Variants in NCOA3 observed in about 807,000 individuals in gnomAD.
The protein encoded by NCOA3 is nuclear receptor coactivator 3.
NCOA3 carries 51 observed loss-of-function variants against 158.8 expected under a neutral mutation model. That is an observed-to-expected ratio of 0.32 (90% CI 0.26 to 0.41). The LOEUF (loss-of-function observed/expected upper bound fraction) is 0.41, where lower values mean the gene tolerates loss of function less well. NCOA3 is among the 10% of genes least tolerant of loss of function. The pLI, the probability that NCOA3 is intolerant of heterozygous loss-of-function variation, is 1.00. For synonymous variants in NCOA3, 537 were observed against 592.4 expected (o/e 0.91, Z 1.36); for missense variants, 1,510 against 1,746.6 (o/e 0.86, Z 2.41).
chr20:47,612,326 G>A (rs929807350), intron 2 of NCOA3, among the ~76,000 whole-genome samples: 1 of 152,114 alleles, frequency 6.6e-6, no homozygotes, highest in African/African-American at 2.4e-5. Flanking sequence ...GAGCTTACAA[G>A]GTAGGAAGCA....
chr20:47,564,505 A>G (rs1360756488), intron 1 of NCOA3, among the ~76,000 whole-genome samples: 3 of 151,520 alleles, frequency 2.0e-5, no homozygotes, highest in Non-Finnish European at 4.4e-5. Flanking sequence ...ATCAAGTTGG[A>G]GTTTATATTC....
At chr20:47,525,919 G>T (rs1484320074) in intron 1 of NCOA3, among the ~76,000 whole-genome samples, 9 of 143,362 alleles carry the variant, frequency 6.3e-5, no homozygotes, top group Admixed American at 1.4e-4. Context: ...CCCGGATGGG[G>T]CGGCTGGCCG....
chr20:47,606,863 A>G (rs1409979388), intron 2 of NCOA3, among the ~76,000 whole-genome samples: 1 of 152,240 alleles, frequency 6.6e-6, no homozygotes, highest in African/African-American at 2.4e-5. Flanking sequence ...CAGTGATAAA[A>G]TTTGAGCTTC....
intron 1 of NCOA3, among the ~76,000 whole-genome samples, chr20:47,571,003 T>TGTGTG (rs2085286276): frequency 7.0e-6 from 1 of 143,138 alleles, no homozygotes; most frequent in African/African-American, 2.7e-5. Context: ...TGTGTGTGTG[T>TGTGTG]ATATACATTT....
chr20:47,648,581 T>C (rs894427145), intron 18 of NCOA3, among the ~76,000 whole-genome samples: 5 of 152,140 alleles, frequency 3.3e-5, no homozygotes, highest in African/African-American at 1.2e-4. Flanking sequence ...CAGGTGATCA[T>C]TCCACCTCAG....
chr20:47,653,547 A>AT lies in NCOA3; in HGVS notation c.*134dup, dbSNP rs1468481628. On this transcript the variant is annotated 3_prime_UTR_variant, in exon 23 of 23. Transcript: ENST00000371998. ...ACCAGCTTTGAGCTCCATCAAGGGT[A>AT]TTTTAAGTGATGTCATTTGAGCAGG... The AT allele has an allele frequency of 3.7e-6, 4 of 1,071,486 alleles. No individual in the cohort carries two copies. In the African/African-American group the frequency reaches 6.4e-5, roughly 17 times the overall value. The allele number at this position is 1,071,486 out of a possible 1,614,324, so 66.4% of individuals were successfully genotyped here.
intron 1 of NCOA3, among the ~76,000 whole-genome samples, chr20:47,572,556 T>A (rs888883199): frequency 2.0e-5 from 3 of 151,576 alleles, no homozygotes; most frequent in African/African-American, 7.3e-5. Context: ...TTTTTTTTTA[T>A]GAGACAGTCT....
Position 47,510,152 on chromosome 20 carries a change from G to GC in NCOA3, c.-99+8135dup, listed in dbSNP as rs2084093172. ...GCGACTTTAAACGTACACAGTCATG[G>GC]CCAGGAGTGGTGGTTCACGCCTGTA... On this transcript the variant is annotated intron_variant, in intron 1 of 22. Transcript: ENST00000371998. Among the ~76,000 whole-genome samples, 4 of 152,182 alleles carry GC rather than the reference G, an allele frequency of 2.6e-5. No individual in the cohort carries two copies. In the Middle Eastern group the frequency reaches 0.014, roughly 518 times the overall value.
chr20:47,562,132 C>T (rs965781504), intron 1 of NCOA3, among the ~76,000 whole-genome samples: 1 of 152,120 alleles, frequency 6.6e-6, no homozygotes, highest in Non-Finnish European at 1.5e-5. Context: ...ATTCCATGTG[C>T]CACAATTTAT....
intron 1 of NCOA3, among the ~76,000 whole-genome samples, chr20:47,547,996 G>T (rs2084861195): frequency 6.6e-6 from 1 of 151,850 alleles, no homozygotes. Context: ...CTCCCAAAGT[G>T]CTGGGATTAT....
chr20:47,509,966 A>G (rs1430763017), intron 1 of NCOA3, among the ~76,000 whole-genome samples: 1 of 152,214 alleles, frequency 6.6e-6, no homozygotes, highest in Non-Finnish European at 1.5e-5. Flanking sequence ...ACATATAGGA[A>G]AATCTACCAG....
chr20:47,627,804 G>A, intron 7 of NCOA3, 55 bp downstream of exon 7: 1 of 1,591,236 alleles, frequency 6.3e-7, no homozygotes, highest in South Asian at 1.1e-5. Context: ...GCCATACTTG[G>A]AGTTTTGAAA....
intron 1 of NCOA3, among the ~76,000 whole-genome samples, chr20:47,582,403 G>A (rs1460194031): frequency 6.6e-6 from 1 of 152,152 alleles, no homozygotes; most frequent in Non-Finnish European, 1.5e-5. Flanking sequence ...AGTAGATATG[G>A]GGTTTCACCA....
chr20:47,624,606 C>A (rs1479906413), intron 4 of NCOA3, among the ~76,000 whole-genome samples: 1 of 152,150 alleles, frequency 6.6e-6, no homozygotes, highest in Non-Finnish European at 1.5e-5. Context: ...TAACAGGCCA[C>A]AGACTGATAC....
At chr20:47,503,541 T>C in intron 1 of NCOA3, among the ~76,000 whole-genome samples, 1 of 152,168 alleles carries the variant, frequency 6.6e-6, no homozygotes, top group Non-Finnish European at 1.5e-5. Flanking sequence ...AAGATTTTCA[T>C]TTGAAACCAC....
chr20:47,509,502 A>C (rs2084081522), intron 1 of NCOA3, among the ~76,000 whole-genome samples: 1 of 152,228 alleles, frequency 6.6e-6, no homozygotes, highest in South Asian at 2.1e-4. Flanking sequence ...CGTGTAAGAA[A>C]AGCAAGTGTT....
chr20:47,639,041 G>C lies in NCOA3; in HGVS notation c.2546G>C (p.Arg849Pro). ...LKSSQSVQSIRPPYNRAVSLD... is the reference protein window; with the variant it reads ...LKSSQSVQSIPPPYNRAVSLD... ...AGTTCACAGTCTGTGCAGTCTATTC[G>C]TCCTCCATATAACCGAGCAGTGTCT... Residue 849 changes from arginine to proline, a missense_variant, in exon 14 of 23, where the codon CGT becomes CCT. This residue lies in a region of NCOA3 where 1,017 missense variants were observed against 1,098.3 expected (regional missense o/e 0.93). Transcript: ENST00000371998. 3 of 1,613,662 alleles carry C rather than the reference G, an allele frequency of 1.9e-6. No individual in the cohort carries two copies. The highest frequency in any genetic ancestry group is 2.5e-6 in the Non-Finnish European group (3 of 1,179,886).
At chr20:47,599,268 T>A (rs1376408425) in intron 2 of NCOA3, among the ~76,000 whole-genome samples, 1 of 152,148 alleles carries the variant, frequency 6.6e-6, no homozygotes, top group African/African-American at 2.4e-5. Context: ...CTAGATATTG[T>A]GTGATGCCAT....
At chr20:47,512,439 A>T (rs1044429258) in intron 1 of NCOA3, among the ~76,000 whole-genome samples, 1 of 151,802 alleles carries the variant, frequency 6.6e-6, no homozygotes, top group Non-Finnish European at 1.5e-5. Context: ...ATGGTGGCAC[A>T]TGCCTGTAGT....
Sources: allele counts gnomAD v4.1 joint callset (sites outside exome capture counted in the v4.1 genomes callset), GRCh38; gene constraint gnomAD v4.1.1; regional missense constraint gnomAD v4.1.1; transcripts MANE v1.5; gene names NCBI Gene and HGNC (gene_info 2026-07-23, HGNC 2026-07-21).